The following ABCC3 variants were observed in gnomAD, a reference collection of about 807,000 sequenced individuals.
ABCC3 encodes ATP binding cassette subfamily C member 3, also known as ATP-binding cassette sub-family C member 3.
Under a neutral mutation model 165.3 loss-of-function variants are expected in ABCC3, and 121 were observed. That is an observed-to-expected ratio of 0.73 (90% CI 0.63 to 0.85). The LOEUF is 0.85. Among genes scored for constraint, ABCC3 ranks in the 40% least tolerant of loss-of-function variants. The pLI, the probability that ABCC3 is intolerant of heterozygous loss-of-function variation, is 0.00. For missense variants in ABCC3, 1,869 were observed against 1,964.1 expected (o/e 0.95, Z 0.92); for synonymous variants, 733 against 810.1 (o/e 0.90, Z 1.62).
At chr17:50,655,091 C>G (rs1402886287) in intron 1 of ABCC3, among the ~76,000 whole-genome samples, 5 of 90,112 alleles carry the variant, frequency 5.5e-5, no homozygotes, top group Admixed American at 3.1e-4. Flanking sequence ...CAGAGTGAGA[C>G]TCCATCTCAA....
chr17:50,682,836 G>A (rs1302452912), intron 26 of ABCC3, among the ~76,000 whole-genome samples: 1 of 152,166 alleles, frequency 6.6e-6, no homozygotes, highest in African/African-American at 2.4e-5. Flanking sequence ...CTGGCACTGG[G>A]CTGCCACCCA....
intron 1 of ABCC3, among the ~76,000 whole-genome samples, chr17:50,649,797 T>A (rs1307882691): frequency 2.0e-5 from 3 of 152,148 alleles, no homozygotes; most frequent in Non-Finnish European, 2.9e-5. Flanking sequence ...TAAATTTTTT[T>A]AATAGGATCA....
At position 50,634,946 on chromosome 17, in the gene ABCC3, C is replaced by T. The variant is rs2054164059; in HGVS notation, c.10C>T (p.Leu4=). The change falls in exon 1 of 31, where the codon CTG becomes TTG. Residue 4 remains leucine (L), a synonymous_variant. Coordinates refer to ENST00000285238, the MANE Select transcript of ABCC3 (RefSeq NM_003786.4). MDA[L]CGSGELGSKF... Reference sequence around the variant, plus strand: ...GCCGCGCCTCGGCCCCATGGACGCCCTGTGCGGTTCCGGGGAGCTCGGCTC... The same window carrying T: ...GCCGCGCCTCGGCCCCATGGACGCCTTGTGCGGTTCCGGGGAGCTCGGCTC... 2 of 1,259,776 alleles carry T rather than the reference C, an allele frequency of 1.6e-6. No individual in the cohort carries two copies. Among genetic ancestry groups the T allele is most frequent in the South Asian group, 3.3e-5 (1 of 30,250 alleles). 78.0% of individuals were successfully genotyped at this position (1,259,776 alleles called of 1,614,324 possible). A position where few individuals can be genotyped will look rare whatever the true frequency, so the allele number is the denominator to read the frequency against.
chr17:50,650,250 C>T (rs1295975858), intron 1 of ABCC3, among the ~76,000 whole-genome samples: 2 of 152,094 alleles, frequency 1.3e-5, no homozygotes, highest in African/African-American at 4.8e-5. Flanking sequence ...GGATTACAGG[C>T]GCCTGCCACC....
intron 18 of ABCC3, 136 bp from the exon 19 acceptor site, chr17:50,673,333 A>G: frequency 7.8e-7 from 1 of 1,277,234 alleles, no homozygotes; most frequent in East Asian, 2.5e-5. Context: ...TGTGGCGAGC[A>G]CAGGGTGAGT....
At chr17:50,663,433 G>T (rs1967439516) in intron 8 of ABCC3, 1 of 528,588 alleles carries the variant, frequency 1.9e-6, no homozygotes, top group East Asian at 3.1e-5. Flanking sequence ...GGTGGTGAGA[G>T]CGTCATCGAT....
chr17:50,686,155 CT>C (rs1968017403), intron 29 of ABCC3, among the ~76,000 whole-genome samples: 1 of 139,048 alleles, frequency 7.2e-6, no homozygotes, highest in African/African-American at 2.7e-5. Flanking sequence ...GATCTCACCA[CT>C]GCACTCTAGC....
intron 12 of ABCC3, 50 bp downstream of exon 12, chr17:50,667,807 C>T: frequency 6.2e-7 from 1 of 1,613,500 alleles, no homozygotes; most frequent in African/African-American, 1.3e-5. Flanking sequence ...TCTGGGTGCC[C>T]AGGCATGGCC....
intron 1 of ABCC3, chr17:50,635,588 C>T: frequency 2.8e-6 from 2 of 702,588 alleles, no homozygotes; most frequent in Non-Finnish European, 5.2e-6. Flanking sequence ...AAGCAGACCC[C>T]AGTCTGGAGA....
At chr17:50,643,980 G>A (rs1966941339) in intron 1 of ABCC3, among the ~76,000 whole-genome samples, 1 of 152,142 alleles carries the variant, frequency 6.6e-6, no homozygotes, top group South Asian at 2.1e-4. Flanking sequence ...AGGTGGGCAG[G>A]GGCACTGGAG....
intron 1 of ABCC3, among the ~76,000 whole-genome samples, chr17:50,640,004 T>C (rs2054213451): frequency 1.3e-5 from 2 of 152,128 alleles, no homozygotes; most frequent in Non-Finnish European, 2.9e-5. Flanking sequence ...CCTCAAGTCA[T>C]CTGCCCACCT....
chr17:50,642,865 G>A (rs764824509), intron 1 of ABCC3, among the ~76,000 whole-genome samples: 7 of 152,192 alleles, frequency 4.6e-5, no homozygotes, highest in African/African-American at 1.4e-4. Context: ...CAATGGCCCC[G>A]TGTGGCATCA....
Position 50,663,839 on chromosome 17 carries a change from T to G in ABCC3, c.1157T>G (p.Met386Arg), listed in dbSNP as rs140303181. 2.0e-5 allele frequency: 33 copies of G among 1,614,114 alleles called. No individual in the cohort carries two copies. In the African/African-American group the frequency reaches 3.9e-4, roughly 19 times the overall value. Residue 386 changes from methionine (M) to arginine (R), a missense_variant, in exon 9 of 31, where the codon ATG becomes AGG. Physicochemically the swap from Met to Arg is moderately conservative, Grantham distance 91. Transcript: ENST00000285238. ...GGGGTGAAGTTTCGTACTGGGATCA[T>G]GGGTGTCATCTACAGGAAGGTCAGC... ...VTGVKFRTGI[M>R]GVIYRKALVI... is the part of the protein sequence containing the mutation.
Position 50,687,608 on chromosome 17 carries a change from G to C in ABCC3, c.4353G>C (p.Glu1451Asp), listed in dbSNP as rs1567840125. ...AGAGCCGCATCCTGGTTTTAGACGA[G>C]GCCACAGCTGCCATCGACCTGGAGA... is the stretch of plus-strand genomic sequence containing the variant. ...LRKSRILVLD[E>D]ATAAIDLETD... The change falls in exon 30 of 31, where the codon GAG (glutamate) becomes GAC (aspartate). Residue 1451 changes from glutamate (E) to aspartate (D), a missense_variant. Glu to Asp is a conservative substitution (Grantham distance 45, BLOSUM62 2). Transcript: ENST00000285238. The C allele has an allele frequency of 1.2e-6, 2 of 1,614,248 alleles. No individual in the cohort carries two copies. Among genetic ancestry groups the C allele is most frequent in the Non-Finnish European group, 1.7e-6 (2 of 1,180,048 alleles).
In ABCC3 at chr17:50,669,435, C is replaced by T; in HGVS notation, c.2148C>T (p.Asn716=). ...QENVLFGKAL[N]PKRYQQTLEA... ...ACGTGCTTTTCGGCAAAGCCCTGAA[C>T]CCCAAGCGCTACCAGCAGACTCTGG... Residue 716 remains asparagine, a synonymous_variant, in exon 17 of 31, where the codon AAC becomes AAT. Transcript: ENST00000285238. The T allele has an allele frequency of 1.2e-6, 2 of 1,614,262 alleles. No individual in the cohort carries two copies. Among genetic ancestry groups the T allele is most frequent in the Non-Finnish European group, 1.7e-6 (2 of 1,180,050 alleles).
Position 50,661,070 on chromosome 17 carries a change from G to C in ABCC3, c.954G>C (p.Lys318Asn), listed in dbSNP as rs577146059. 28 of 1,614,150 alleles carry C rather than the reference G, an allele frequency of 1.7e-5. No homozygotes were observed. The highest frequency in any genetic ancestry group is 8.3e-5 in the Admixed American group (5 of 60,028). ...GCTTCCTCATCAGTGCCTGCTTCAA[G>C]CTTATCCAGGACCTGCTCTCCTTCA... ...GSSFLISACFKLIQDLLSFIN... is the reference protein window; with the variant it reads ...GSSFLISACFNLIQDLLSFIN... Residue 318 changes from lysine to asparagine, a missense_variant, in exon 8 of 31, where the codon AAG becomes AAC. Physicochemically the swap from Lys to Asn is moderately conservative, Grantham distance 94 (BLOSUM62 0). Coordinates refer to ENST00000285238, the MANE Select transcript of ABCC3 (RefSeq NM_003786.4).
At chr17:50,666,169 C>T (rs561855645) in intron 11 of ABCC3, among the ~76,000 whole-genome samples, 2 of 152,264 alleles carry the variant, frequency 1.3e-5, no homozygotes, top group East Asian at 1.9e-4. Flanking sequence ...CCTTACCTCT[C>T]GGCATTGAAG....
At chr17:50,649,847 G>A (rs553734144) in intron 1 of ABCC3, among the ~76,000 whole-genome samples, 9 of 152,188 alleles carry the variant, frequency 5.9e-5, no homozygotes, top group African/African-American at 1.4e-4. Context: ...AAATGACTTC[G>A]GAGGCATATA....
In ABCC3 at chr17:50,684,725, C is replaced by T. The variant is rs542368509; in HGVS notation, c.4130C>T (p.Ser1377Leu). Residue 1377 changes from serine (S) to leucine (L), a missense_variant, in exon 29 of 31, where the codon TCG (serine) becomes TTG (leucine). Ser to Leu is a moderately radical substitution (Grantham distance 145). Transcript: ENST00000285238. ...TIIPQDPILF[S>L]GTLRMNLDPF... ...TATCCCCAGGACCCCATCCTGTTCT[C>T]GGGGACCCTGCGCATGAACCTGGAC... 26 of 1,614,046 alleles carry T rather than the reference C, an allele frequency of 1.6e-5. No individual in the cohort carries two copies. Among genetic ancestry groups the T allele is most frequent in the Admixed American group, 1.2e-4 (7 of 59,996 alleles).
Sources: gnomAD v4.1 joint callset for allele counts (sites outside exome capture counted in the v4.1 genomes callset) on GRCh38, gnomAD v4.1.1 for gene constraint, MANE v1.5 for transcripts, NCBI Gene and HGNC (gene_info 2026-07-23, HGNC 2026-07-21) for gene names.